USP42: variants seen among roughly 807,000 people sequenced by gnomAD.
USP42 encodes ubiquitin specific peptidase 42.
USP42 carries 23 observed loss-of-function variants against 113.0 expected under a neutral mutation model. The ratio of observed to expected loss-of-function variants is 0.20; its 90% CI spans 0.15 to 0.29. The LOEUF (loss-of-function observed/expected upper bound fraction) is 0.29, where lower values mean the gene tolerates loss of function less well. Among genes scored for constraint, USP42 ranks in the 10% least tolerant of loss-of-function variants. The probability of loss-of-function intolerance (pLI) is 1.00; values close to 1 mark genes in which losing one functional copy is unlikely to be tolerated. For missense variants in USP42, 2,174 were observed against 1,779.8 expected (o/e 1.22, Z -3.99); for synonymous variants, 933 against 699.0 (o/e 1.33, Z -5.28).
Position 6,156,813 on chromosome 7 carries a change from A to G in USP42, c.3701A>G (p.Lys1234Arg). 1 of 1,607,164 alleles carries G rather than the reference A, an allele frequency of 6.2e-7. No homozygotes were observed. The highest frequency in any genetic ancestry group is 1.1e-5 in the South Asian group (1 of 90,010). Residue 1234 changes from lysine to arginine, a missense_variant, in exon 16 of 18, where the codon AAA becomes AGA. Lys to Arg is a conservative substitution (Grantham distance 26, BLOSUM62 2). Coordinates refer to ENST00000306177, the MANE Select transcript of USP42 (RefSeq NM_032172.3). ...ACSDADLHRH[K>R]KKKKKKKRHS... is the part of the protein sequence containing the mutation. Reference sequence around the variant, plus strand: ...TCTGACGCTGACCTCCACAGACACAAAAAAAAGAAGAAGAAAAAGAAGAGA... The same window carrying G: ...TCTGACGCTGACCTCCACAGACACAGAAAAAAGAAGAAGAAAAAGAAGAGA...
chr7:6,129,106 C>T (rs1032786886), intron 3 of USP42, among the ~76,000 whole-genome samples: 1 of 152,212 alleles, frequency 6.6e-6, no homozygotes, highest in African/African-American at 2.4e-5. Context: ...GCCACTGGGC[C>T]TGTAGCCTTT....
chr7:6,144,247 T>A, intron 9 of USP42, 51 bp downstream of exon 9: 1 of 1,255,004 alleles, frequency 8.0e-7, no homozygotes, highest in Non-Finnish European at 1.1e-6. Context: ...TTTCGAAGCT[T>A]AACGTGTCTG....
chr7:6,083,925 G>A, the USP42 span, among the ~76,000 whole-genome samples: 1 of 151,080 alleles, frequency 6.6e-6, no homozygotes, highest in Non-Finnish European at 1.5e-5. Flanking sequence ...TTAACCTCCT[G>A]CCCCTTTTTT....
chr7:6,088,400 C>T, the USP42 span, among the ~76,000 whole-genome samples: 16 of 151,034 alleles, frequency 1.1e-4, no homozygotes, highest in East Asian at 2.9e-3. Context: ...GGATTAAAGG[C>T]ACCCGCCACC....
chr7:6,140,279 G>T, intron 6 of USP42, 84 bp downstream of exon 6: 2 of 1,264,838 alleles, frequency 1.6e-6, no homozygotes, highest in Non-Finnish European at 2.3e-6. Context: ...AGTCCTACTA[G>T]GAAGGAAGGA....
Position 6,111,153 on chromosome 7 carries a change from C to G in USP42, c.20C>G (p.Ala7Gly), listed in dbSNP as rs1362378866. ...TGAACAATGACCATAGTTGACAAAG[C>G]TTCTGAATCTTCAGACCCATCAGCC... MTIVDK[A>G]SESSDPSAYQ... Residue 7 changes from alanine (A) to glycine (G), a missense_variant, in exon 2 of 18, where the codon GCT (alanine) becomes GGT (glycine). Ala to Gly is a moderately conservative substitution (Grantham distance 60, BLOSUM62 0). Coordinates refer to ENST00000306177, the MANE Select transcript of USP42 (RefSeq NM_032172.3). The G allele has an allele frequency of 6.2e-7, 1 of 1,612,620 alleles. No homozygotes were observed. The highest frequency in any genetic ancestry group is 1.7e-5 in the Admixed American group (1 of 59,900).
chr7:6,120,348 T>A (rs1780150293), intron 3 of USP42, among the ~76,000 whole-genome samples: 1 of 152,200 alleles, frequency 6.6e-6, no homozygotes, highest in South Asian at 2.1e-4. Context: ...GTTTAAGTGA[T>A]TCTCCTGCCT....
chr7:6,108,605 C>T (rs1246007758), intron 1 of USP42, among the ~76,000 whole-genome samples: 4 of 152,006 alleles, frequency 2.6e-5, no homozygotes, highest in African/African-American at 7.3e-5. Flanking sequence ...CTCAGCTTCC[C>T]GAGTAGCTGG....
chr7:6,109,700 CTTT>C (rs34684085), intron 1 of USP42, among the ~76,000 whole-genome samples: 8 of 125,600 alleles, frequency 6.4e-5, no homozygotes, highest in Admixed American at 8.1e-5. Flanking sequence ...CCCGCCCGGC[CTTT>C]TTTTTTTTTT....
rs761767842 is a variant in USP42 at position 6,153,940 on chromosome 7, G to A, written c.2386G>A (p.Val796Ile). The change falls in exon 15 of 18, where the codon GTC (valine) becomes ATC (isoleucine). Residue 796 changes from valine to isoleucine, a missense_variant. Coordinates refer to ENST00000306177, the MANE Select transcript of USP42 (RefSeq NM_032172.3). ...AGAAGGCGCCTGGGAGGCCATGGCC[G>A]TCGCCCCCGAGGAGCCTCCGCCCAG... ...TKEGAWEAMA[V>I]APEEPPPSAG... is the part of the protein sequence containing the mutation. 1.6e-5 allele frequency: 25 copies of A among 1,598,022 alleles called. No homozygotes were observed. The South Asian group carries it at 2.5e-4, about 16-fold the overall frequency.
At chr7:6,140,518 C>T (rs886517892) in intron 6 of USP42, among the ~76,000 whole-genome samples, 2 of 152,208 alleles carry the variant, frequency 1.3e-5, no homozygotes, top group African/African-American at 2.4e-5. Context: ...AGTCCCCTAT[C>T]GATGGGATTT....
At chr7:6,110,078 C>A (rs1316269631) in intron 1 of USP42, among the ~76,000 whole-genome samples, 2 of 151,998 alleles carry the variant, frequency 1.3e-5, no homozygotes, top group Admixed American at 1.3e-4. Context: ...AAGCGATCTG[C>A]CCACCTTGGC....
chr7:6,103,659 G>A (rs1790210083), upstream of USP42, among the ~76,000 whole-genome samples: 2 of 149,242 alleles, frequency 1.3e-5, no homozygotes, highest in African/African-American at 5.1e-5. Flanking sequence ...CCAGCGCTTT[G>A]GGAGGCTGAG....
At chr7:6,096,308 G>C in the USP42 span, among the ~76,000 whole-genome samples, 5 of 151,226 alleles carry the variant, frequency 3.3e-5, no homozygotes, top group Non-Finnish European at 7.4e-5. Context: ...AAGAACACTG[G>C]GAGTATTCTC....
intron 3 of USP42, among the ~76,000 whole-genome samples, chr7:6,133,439 ATCT>A (rs1780958343): frequency 6.6e-6 from 1 of 152,194 alleles, no homozygotes; most frequent in African/African-American, 2.4e-5. Flanking sequence ...CATAATGAAT[ATCT>A]TCAAGTTCAC....
At chr7:6,150,908 A>G (rs1419686816) in intron 14 of USP42, among the ~76,000 whole-genome samples, 1 of 152,200 alleles carries the variant, frequency 6.6e-6, no homozygotes, top group Non-Finnish European at 1.5e-5. Context: ...GTCCGTCCAC[A>G]ACAGGGATGC....
At chr7:6,116,680 A>T (rs534897243) in intron 3 of USP42, 7 of 473,112 alleles carry the variant, frequency 1.5e-5, no homozygotes, top group African/African-American at 8.3e-5. Flanking sequence ...TTTGGAAAGT[A>T]CAGAAAAACT....
intron 14 of USP42, among the ~76,000 whole-genome samples, chr7:6,152,515 GC>G (rs1428385768): frequency 6.6e-6 from 1 of 151,996 alleles, no homozygotes; most frequent in Non-Finnish European, 1.5e-5. Flanking sequence ...GGGTGGGAGT[GC>G]CCTCACTGAG....
At chr7:6,099,660 T>C in the USP42 span, among the ~76,000 whole-genome samples, 1 of 150,542 alleles carries the variant, frequency 6.6e-6, no homozygotes, top group Non-Finnish European at 1.5e-5. Flanking sequence ...ATTTTCCCTC[T>C]TTAAAGGATC....
Sources: gnomAD v4.1 joint callset for allele counts (sites outside exome capture counted in the v4.1 genomes callset) on GRCh38, gnomAD v4.1.1 for gene constraint, MANE v1.5 for transcripts, NCBI Gene and HGNC (gene_info 2026-07-23, HGNC 2026-07-21) for gene names.